Variants in HSP90AA1 observed in about 807,000 individuals in gnomAD.
HSP90AA1 encodes the protein heat shock protein HSP 90-alpha.
HSP90AA1 carries 18 observed loss-of-function variants against 73.3 expected under a neutral mutation model. The ratio of observed to expected loss-of-function variants is 0.25; its 90% CI spans 0.17 to 0.36. The LOEUF (loss-of-function observed/expected upper bound fraction) is 0.36, where lower values mean the gene tolerates loss of function less well. Among genes scored for constraint, HSP90AA1 ranks in the 10% least tolerant of loss-of-function variants. HSP90AA1 has a pLI of 1.00. For synonymous variants in HSP90AA1, 477 were observed against 296.9 expected, an observed-to-expected ratio of 1.61 and a Z score of -6.24; for missense variants, 704 against 874.2, an observed-to-expected ratio of 0.81 and a Z score of 2.45.
chr14:102,103,601 C>T (rs1042918214), intron 1 of HSP90AA1, among the ~76,000 whole-genome samples: 13 of 151,654 alleles, frequency 8.6e-5, no homozygotes, highest in Admixed American at 7.2e-4. Context: ...GTCAGGAGTT[C>T]GAGACCAGTC....
rs1595659354 is a variant in HSP90AA1, at chr14:102,086,119, C to T, written c.168G>A (p.Leu56=). The T allele has an allele frequency of 6.2e-7, 1 of 1,614,044 alleles. No homozygotes were observed. Among genetic ancestry groups the T allele is most frequent in the South Asian group, 1.1e-5 (1 of 91,068 alleles). ...RELISNSSDA[L]DKIRYESLTD... ...TCAAGCTTTCATACCGGATTTTGTC[C>T]AATGCCTGTTAACAAAAAATATTAA... Residue 56 remains leucine, a synonymous_variant, in exon 3 of 11, where the codon TTG becomes TTA. Coordinates refer to ENST00000216281, the MANE Select transcript of HSP90AA1 (RefSeq NM_005348.4).
At chr14:102,119,479 G>C (rs1010513394) in intron 1 of HSP90AA1, among the ~76,000 whole-genome samples, 1 of 151,838 alleles carries the variant, frequency 6.6e-6, no homozygotes, top group Non-Finnish European at 1.5e-5. Context: ...CTACCAACTA[G>C]TTGTGGTTTG....
chr14:102,087,694 C>A (rs1001318357), upstream of HSP90AA1, among the ~76,000 whole-genome samples: 1 of 152,176 alleles, frequency 6.6e-6, no homozygotes, highest in African/African-American at 2.4e-5. Flanking sequence ...GGCCTGCGCG[C>A]TCGGGGATTC....
At chr14:102,108,461 T>C (rs2049598050) in intron 1 of HSP90AA1, among the ~76,000 whole-genome samples, 1 of 151,708 alleles carries the variant, frequency 6.6e-6, no homozygotes, top group Non-Finnish European at 1.5e-5. Context: ...TTGTAAATAT[T>C]GATCCTATCA....
Position 102,083,528 on chromosome 14 carries a change from A to C in HSP90AA1, c.1486+18T>G, listed in dbSNP as rs994259489. ...TTGTAAGAACGACGTGTATGACTGT[A>C]ACATAGTGTTCTCTTACCTGTGATA... On this transcript the variant is annotated intron_variant, in intron 8 of 10. Transcript: ENST00000216281. The C allele has an allele frequency of 1.2e-6, 2 of 1,611,276 alleles. No individual in the cohort carries two copies. The highest frequency in any genetic ancestry group is 3.3e-5 in the Admixed American group (2 of 59,986).
intron 1 of HSP90AA1, among the ~76,000 whole-genome samples, chr14:102,118,981 A>G (rs10134720): frequency 0.047 from 7,059 of 151,628 alleles, 558 homozygotes; most frequent in African/African-American, 0.16. Flanking sequence ...CAGCCCCCCA[A>G]GTAGCTGGGA....
rs761876180 is a variant in HSP90AA1 at position 102,081,360 on chromosome 14, T to C, written c.*352A>G. 24 of 379,948 alleles carry C rather than the reference T, an allele frequency of 6.3e-5. No homozygotes were observed. The highest frequency in any genetic ancestry group is 6.8e-5 in the Non-Finnish European group (14 of 207,302). The allele number at this position is 379,948 out of a possible 1,614,324, so 23.5% of individuals were successfully genotyped here. A position where few individuals can be genotyped will look rare whatever the true frequency, so the allele number is the denominator to read the frequency against. On this transcript the variant is annotated 3_prime_UTR_variant, in exon 11 of 11. Transcript: ENST00000216281. ...ACGAATACTTTTCTAAACATCAAGATACAGCTCAGAACACTTCAATAACAA... is the reference window on the plus strand; with the variant it reads ...ACGAATACTTTTCTAAACATCAAGACACAGCTCAGAACACTTCAATAACAA...
At chr14:102,118,329 T>C (rs2049732565) in intron 1 of HSP90AA1, among the ~76,000 whole-genome samples, 1 of 152,232 alleles carries the variant, frequency 6.6e-6, no homozygotes, top group Non-Finnish European at 1.5e-5. Context: ...ATTTATTTTA[T>C]GGCTTTCAAA....
chr14:102,090,592 G>C (rs147165071), upstream of HSP90AA1, among the ~76,000 whole-genome samples: 1 of 152,226 alleles, frequency 6.6e-6, no homozygotes, highest in African/African-American at 2.4e-5. Flanking sequence ...TGGGACTACA[G>C]GCGCCCGCCA....
intron 1 of HSP90AA1, among the ~76,000 whole-genome samples, chr14:102,108,994 T>C: frequency 6.6e-6 from 1 of 152,318 alleles, no homozygotes; most frequent in Admixed American, 6.5e-5. Flanking sequence ...TTTTTTAACT[T>C]TTTAAATTAA....
rs947883066 is a variant in HSP90AA1 at position 102,086,508 on chromosome 14, G to C, written c.1-130C>G. On this transcript the variant is annotated intron_variant, in intron 1 of 10. Transcript: ENST00000216281. ...GCGAAGTTTAAGTAAACCGAAAATA[G>C]AAGGGCGGCTGACAAAGGATGACCT... The C allele has an allele frequency of 7.7e-6, 8 of 1,040,640 alleles. No individual in the cohort carries two copies. The Admixed American group carries it at 1.1e-4, about 14-fold the overall frequency. The allele number at this position is 1,040,640 out of a possible 1,614,324, so 64.5% of individuals were successfully genotyped here. A position where few individuals can be genotyped will look rare whatever the true frequency, so the allele number is the denominator to read the frequency against.
At chr14:102,103,084 G>A (rs1480378568) in intron 1 of HSP90AA1, among the ~76,000 whole-genome samples, 1 of 151,034 alleles carries the variant, frequency 6.6e-6, no homozygotes, top group East Asian at 1.9e-4. Flanking sequence ...AGGAGGCTGA[G>A]GCACAAGGAT....
rs1484762307 is a variant in HSP90AA1 at position 102,084,994 on chromosome 14, T to A, written c.668A>T (p.Glu223Val). The A allele has an allele frequency of 1.2e-6, 2 of 1,613,730 alleles. No individual in the cohort carries two copies. The highest frequency in any genetic ancestry group is 1.1e-5 in the South Asian group (1 of 91,078). ...GCTTACTTCTTTATCACGTTCCTTCTCCACCTTCAAAAGAAAACACGAAAT... is the reference window on the plus strand; with the variant it reads ...GCTTACTTCTTTATCACGTTCCTTCACCACCTTCAAAAGAAAACACGAAAT... ...FIGYPITLFV[E>V]KERDKEVSDD... Residue 223 changes from glutamate to valine, a missense_variant, in exon 5 of 11, where the codon GAG becomes GTG. Physicochemically the swap from Glu to Val is moderately radical, Grantham distance 121. Coordinates refer to ENST00000216281, the MANE Select transcript of HSP90AA1 (RefSeq NM_005348.4).
At chr14:102,115,459 G>A (rs892994289) in intron 1 of HSP90AA1, among the ~76,000 whole-genome samples, 1 of 152,176 alleles carries the variant, frequency 6.6e-6, no homozygotes, top group South Asian at 2.1e-4. Context: ...TGAAGAGTAC[G>A]TACATTTTAG....
chr14:102,095,524 C>T (rs1479261758), intron 2 of HSP90AA1, among the ~76,000 whole-genome samples: 1 of 152,216 alleles, frequency 6.6e-6, no homozygotes, highest in Non-Finnish European at 1.5e-5. Flanking sequence ...AGGCAGCTCC[C>T]TCAGGAACTT....
chr14:102,092,804 G>C (rs1293067083), intron 2 of HSP90AA1, among the ~76,000 whole-genome samples: 1 of 152,112 alleles, frequency 6.6e-6, no homozygotes, highest in Non-Finnish European at 1.5e-5. Flanking sequence ...AGGCTGGAGT[G>C]CAGTGGCAAA....
rs369394114 is a variant in HSP90AA1 at position 102,085,834 on chromosome 14, G to C, written c.453C>G (p.Ile151Met). The change falls in exon 3 of 11, where the codon ATC (isoleucine) becomes ATG (methionine). Residue 151 changes from isoleucine (I) to methionine (M), a missense_variant. Transcript: ENST00000216281. ...ACTGCTCATCATCGTTATGTTTGGTGATCACAGTTACTTTCTCAGCAACCA... is the reference window on the plus strand; with the variant it reads ...ACTGCTCATCATCGTTATGTTTGGTCATCACAGTTACTTTCTCAGCAACCA... Reference protein sequence around the residue: ...AYLVAEKVTVITKHNDDEQYA... With the variant: ...AYLVAEKVTVMTKHNDDEQYA... The C allele has an allele frequency of 6.2e-7, 1 of 1,613,904 alleles. No homozygotes were observed. The highest frequency in any genetic ancestry group is 8.5e-7 in the Non-Finnish European group (1 of 1,179,856).
intron 6 of HSP90AA1, 27 bp downstream of exon 6, chr14:102,084,372 G>C (rs779187991): frequency 6.3e-7 from 1 of 1,594,802 alleles, no homozygotes; most frequent in South Asian, 1.1e-5. Flanking sequence ...ATCAGTGACA[G>C]TGATTATTTT....
At chr14:102,087,289 C>G (rs17525734), upstream of HSP90AA1, 12,224 of 474,710 alleles carry the variant, frequency 0.026, 721 homozygotes, top group African/African-American at 0.16. Context: ...CTCGCACGCC[C>G]CCGCGCCGGC....
Sources: allele counts gnomAD v4.1 joint callset (sites outside exome capture counted in the v4.1 genomes callset), GRCh38; gene constraint gnomAD v4.1.1; transcripts MANE v1.5; gene names NCBI Gene and HGNC (gene_info 2026-07-23, HGNC 2026-07-21).